The following PBX1 variants were observed in gnomAD, a reference collection of about 807,000 sequenced individuals.
PBX1 encodes PBX homeobox 1.
PBX1 carries 6 observed loss-of-function variants against 53.4 expected under a neutral mutation model. The observed-to-expected ratio is 0.11, with a 90% CI of 0.06 to 0.22. The LOEUF is 0.22. Ranked by LOEUF, PBX1 falls within the 10% of genes least tolerant of loss-of-function variation. The pLI, the probability that PBX1 is intolerant of heterozygous loss-of-function variation, is 1.00. For missense variants in PBX1, 251 were observed against 551.4 expected (o/e 0.46, Z 5.46); for synonymous variants, 204 against 212.3 (o/e 0.96, Z 0.34).
intron 2 of PBX1, among the ~76,000 whole-genome samples, chr1:164,870,154 T>C (rs17390990): frequency 0.18 from 27,063 of 150,100 alleles, 3,052 homozygotes; most frequent in Middle Eastern, 0.24. Context: ...CAAGTAACTT[T>C]AATTATTCTC....
At chr1:164,624,527 G>T (rs1657912291) in intron 2 of PBX1, among the ~76,000 whole-genome samples, 1 of 152,274 alleles carries the variant, frequency 6.6e-6, no homozygotes, top group Non-Finnish European at 1.5e-5. Context: ...TGTGGGCCAC[G>T]GACCCTGAGG....
chr1:164,800,235 C>T (rs189320222), intron 4 of PBX1, among the ~76,000 whole-genome samples: 2 of 152,280 alleles, frequency 1.3e-5, no homozygotes, highest in Admixed American at 6.5e-5. Context: ...CATTCTATCA[C>T]GACAGGCTCT....
chr1:164,737,216 A>G (rs1215961087), intron 2 of PBX1, among the ~76,000 whole-genome samples: 3 of 152,176 alleles, frequency 2.0e-5, no homozygotes, highest in East Asian at 1.9e-4. Flanking sequence ...AGTTCTTCGA[A>G]TGGTCATTTA....
At chr1:164,711,072 C>A (rs1663738291) in intron 2 of PBX1, among the ~76,000 whole-genome samples, 1 of 152,016 alleles carries the variant, frequency 6.6e-6, no homozygotes, top group Non-Finnish European at 1.5e-5. Context: ...CTCTTTTTTT[C>A]TTCTGCTCAT....
At chr1:164,857,225 T>C (rs1671998005) in intron 2 of PBX1, among the ~76,000 whole-genome samples, 1 of 152,124 alleles carries the variant, frequency 6.6e-6, no homozygotes, top group South Asian at 2.1e-4. Context: ...TCAAATTCAA[T>C]AATTTGCTGG....
At chr1:164,819,762 A>G (rs534288643) in intron 6 of PBX1, 1 of 240,336 alleles carries the variant, frequency 4.2e-6, no homozygotes, top group Non-Finnish European at 8.0e-6. Context: ...TCCTAGGTCT[A>G]GAGACTACAA....
At chr1:164,718,372 G>A (rs1396156587) in intron 2 of PBX1, among the ~76,000 whole-genome samples, 1 of 152,174 alleles carries the variant, frequency 6.6e-6, no homozygotes, top group Admixed American at 6.5e-5. Context: ...GCTTCCAGTT[G>A]TATCACATTT....
intron 2 of PBX1, among the ~76,000 whole-genome samples, chr1:164,613,152 C>T (rs1657047580): frequency 6.6e-6 from 1 of 152,164 alleles, no homozygotes; most frequent in Admixed American, 6.5e-5. Flanking sequence ...TACTGTTCTG[C>T]ACCTTGCTTT....
intron 2 of PBX1, among the ~76,000 whole-genome samples, chr1:164,883,656 A>C (rs1010864859): frequency 1.3e-5 from 2 of 152,000 alleles, no homozygotes; most frequent in African/African-American, 4.8e-5. Context: ...CTGTTTTTTC[A>C]ACTTTGTTAT....
At chr1:164,690,198 A>C (rs2291488) in intron 2 of PBX1, among the ~76,000 whole-genome samples, 7,234 of 152,096 alleles carry the variant, frequency 0.048, 265 homozygotes, top group East Asian at 0.093. Context: ...GATTTTCATT[A>C]TCTCTGCCAC....
chr1:164,833,455 A>G (rs556107724), intron 8 of PBX1, among the ~76,000 whole-genome samples: 88 of 152,286 alleles, frequency 5.8e-4, no homozygotes, highest in African/African-American at 2.1e-3. Flanking sequence ...CATAGCCCAG[A>G]ACCTATGGCA....
At chr1:164,696,775 T>C (rs1451026389) in intron 2 of PBX1, among the ~76,000 whole-genome samples, 1 of 152,200 alleles carries the variant, frequency 6.6e-6, no homozygotes, top group African/African-American at 2.4e-5. Context: ...TCTCTGACTT[T>C]CATAGGATAG....
At chr1:164,878,172 T>C (rs2102462524) in intron 2 of PBX1, among the ~76,000 whole-genome samples, 1 of 152,358 alleles carries the variant, frequency 6.6e-6, no homozygotes, top group Admixed American at 6.5e-5. Context: ...GTTATCTGTG[T>C]GCCAAATGGC....
At chr1:164,625,336 T>C (rs2101864544) in intron 2 of PBX1, among the ~76,000 whole-genome samples, 1 of 152,338 alleles carries the variant, frequency 6.6e-6, no homozygotes, top group South Asian at 2.1e-4. Context: ...CTTGAAGTAG[T>C]ATAGCTTATC....
intron 2 of PBX1, among the ~76,000 whole-genome samples, chr1:164,732,798 T>C (rs1351727986): frequency 6.6e-6 from 1 of 152,140 alleles, no homozygotes; most frequent in Non-Finnish European, 1.5e-5. Flanking sequence ...CTAGAGAACC[T>C]ACAGAAATTA....
In PBX1 at chr1:164,792,576, C is replaced by G; in HGVS notation, c.348C>G (p.Gly116=). 2 of 1,614,056 alleles carry G rather than the reference C, an allele frequency of 1.2e-6. 1 individual carries two copies. Among genetic ancestry groups the G allele is most frequent in the South Asian group, 2.2e-5 (2 of 91,076 alleles). The change falls in exon 3 of 9, where the codon GGC becomes GGG. Residue 116 remains glycine, a synonymous_variant. Transcript: ENST00000420696. The part of the protein sequence containing the change: ...MRLDNMLLAE[G]VAGPEKGGGS... ...TGGACAACATGCTGTTAGCGGAAGGCGTGGCGGGGCCTGAGAAGGGCGGAG... is the reference window on the plus strand; with the variant it reads ...TGGACAACATGCTGTTAGCGGAAGGGGTGGCGGGGCCTGAGAAGGGCGGAG...
At chr1:164,635,580 C>T (rs546648205) in intron 2 of PBX1, among the ~76,000 whole-genome samples, 90 of 152,342 alleles carry the variant, frequency 5.9e-4, no homozygotes, top group African/African-American at 2.2e-3. Context: ...GCGGGCTGCG[C>T]CATTCTCCCG....
Position 164,696,411 on chromosome 1 carries a change from G to A in PBX1, c.266-96083G>A, listed in dbSNP as rs79001418. Among the ~76,000 whole-genome samples the A allele has an allele frequency of 9.8e-3, 1,497 of 152,248 alleles. 25 individuals are homozygous for A. Among genetic ancestry groups the A allele is most frequent in the African/African-American group, 0.035 (1,438 of 41,550 alleles). ...GAGGTGGGATATGACTCAGTACAAT[G>A]AAAACTGTTAGGCATATGGCTGGAG... On this transcript the variant is annotated intron_variant, in intron 2 of 8. Transcript: ENST00000420696.
Position 164,847,026 on chromosome 1 carries a change from G to A in PBX1, c.*350G>A. 8.8e-7 allele frequency: 1 copy of A among 1,133,898 alleles called. No homozygotes were observed. The highest frequency in any genetic ancestry group is 1.1e-6 in the Non-Finnish European group (1 of 921,214). The allele number at this position is 1,133,898 out of a possible 1,614,324, so 70.2% of individuals were successfully genotyped here. A position where few individuals can be genotyped will look rare whatever the true frequency, so the allele number is the denominator to read the frequency against. The stretch of plus-strand genomic sequence containing the variant: ...TTTTCAACAATTAGAGGAATTTAAA[G>A]AGGAAAAAAATTACAAAGAAAATAA... On this transcript the variant is annotated 3_prime_UTR_variant, in exon 9 of 9. Coordinates refer to ENST00000420696, the MANE Select transcript of PBX1 (RefSeq NM_002585.4).
Sources: allele counts gnomAD v4.1 joint callset (sites outside exome capture counted in the v4.1 genomes callset), GRCh38; gene constraint gnomAD v4.1.1; transcripts MANE v1.5; gene names NCBI Gene and HGNC (gene_info 2026-07-23, HGNC 2026-07-21).